The following DYM variants were observed in gnomAD, a reference collection of about 807,000 sequenced individuals.
The protein encoded by DYM is dymeclin.
In DYM, 78 loss-of-function variants were observed where a neutral mutation model predicts 93.1. The ratio of observed to expected loss-of-function variants is 0.84; its 90% CI spans 0.70 to 1.01. The LOEUF is 1.01. DYM is among the 50% of genes least tolerant of loss of function. The pLI, the probability that DYM is intolerant of heterozygous loss-of-function variation, is 0.00. For missense variants in DYM, 789 were observed against 845.0 expected (o/e 0.93, Z 0.82); for synonymous variants, 321 against 319.7 (o/e 1.00, Z -0.04).
At chr18:49,095,591 T>A (rs556547109) in intron 17 of DYM, among the ~76,000 whole-genome samples, 2 of 152,260 alleles carry the variant, frequency 1.3e-5, no homozygotes, top group South Asian at 2.1e-4. Flanking sequence ...TTAAGAAATT[T>A]ACCCATGACC....
In DYM at chr18:49,118,797, C is replaced by A; in HGVS notation, c.1858G>T (p.Glu620Ter). Residue 620 changes from glutamate to a stop codon, truncating the protein, a stop_gained, in exon 16 of 18, where the codon GAA (glutamate) becomes TAA (stop). Coordinates refer to ENST00000675505, the MANE Select transcript of DYM (RefSeq NM_001353214.3). LOFTEE classifies it high-confidence loss of function. ...YALLYKRDLF[E>*]QFRTHPSFQD... ...AATGAAGGATGAGTTCGAAATTGTTCAAAGAGATCGCGTTTGTAAAGCAGG... is the reference window on the plus strand; with the variant it reads ...AATGAAGGATGAGTTCGAAATTGTTAAAAGAGATCGCGTTTGTAAAGCAGG... 6.2e-7 allele frequency: 1 copy of A among 1,614,038 alleles called. No homozygotes were observed. Among genetic ancestry groups the A allele is most frequent in the South Asian group, 1.1e-5 (1 of 91,064 alleles).
chr18:49,323,744 C>A (rs2957172), intron 8 of DYM, among the ~76,000 whole-genome samples: 1 of 152,144 alleles, frequency 6.6e-6, no homozygotes, highest in Non-Finnish European at 1.5e-5. Flanking sequence ...ACCCAGCCTA[C>A]GGTATTTTGT....
At chr18:49,458,926 C>T (rs1223263177) in intron 1 of DYM, among the ~76,000 whole-genome samples, 1 of 152,132 alleles carries the variant, frequency 6.6e-6, no homozygotes, top group Non-Finnish European at 1.5e-5. Context: ...CTATGATTTG[C>T]TTTAAAATAA....
chr18:49,361,574 A>G (rs1362411427), intron 6 of DYM, among the ~76,000 whole-genome samples: 1 of 152,198 alleles, frequency 6.6e-6, no homozygotes, highest in African/African-American at 2.4e-5. Context: ...ATACAATAAT[A>G]ATGGTTTGCG....
At chr18:49,120,600 T>C (rs554450901) in intron 15 of DYM, among the ~76,000 whole-genome samples, 34 of 152,300 alleles carry the variant, frequency 2.2e-4, no homozygotes, top group Admixed American at 1.4e-3. Context: ...AAGGGCCAAC[T>C]GTATGTACTT....
At chr18:49,260,544 A>C (rs940726510) in intron 11 of DYM, among the ~76,000 whole-genome samples, 4 of 152,238 alleles carry the variant, frequency 2.6e-5, no homozygotes, top group Non-Finnish European at 5.9e-5. Flanking sequence ...GAGGAAAAGA[A>C]AAACATTCAA....
chr18:49,368,718 G>C (rs993082285), intron 5 of DYM: 2 of 152,144 alleles, frequency 1.3e-5, no homozygotes, highest in African/African-American at 4.8e-5. Flanking sequence ...GAAAAACAAA[G>C]CTGGTTTCAC....
intron 8 of DYM, among the ~76,000 whole-genome samples, chr18:49,287,660 T>C (rs538269550): frequency 6.6e-6 from 1 of 151,876 alleles, no homozygotes; most frequent in East Asian, 1.9e-4. Flanking sequence ...CTGACCAACA[T>C]GGAGAAACCC....
intron 14 of DYM, among the ~76,000 whole-genome samples, chr18:49,182,276 T>G (rs1403283529): frequency 6.6e-6 from 1 of 152,222 alleles, no homozygotes; most frequent in Admixed American, 6.5e-5. Context: ...GAGCTGTTAT[T>G]GGTTGGAGTG....
At chr18:49,233,321 T>C (rs1288709241) in intron 13 of DYM, among the ~76,000 whole-genome samples, 1 of 148,404 alleles carries the variant, frequency 6.7e-6, no homozygotes, top group African/African-American at 2.5e-5. Flanking sequence ...ATCAAGCTAC[T>C]GCACTCCATC....
chr18:49,278,677 A>C (rs1190681392), intron 10 of DYM, among the ~76,000 whole-genome samples: 3 of 152,164 alleles, frequency 2.0e-5, no homozygotes, highest in African/African-American at 7.2e-5. Flanking sequence ...TGATATGTTG[A>C]GAGCTGCTGG....
At chr18:49,252,593 G>C (rs1430334724) in intron 13 of DYM, among the ~76,000 whole-genome samples, 1 of 152,108 alleles carries the variant, frequency 6.6e-6, no homozygotes, top group East Asian at 1.9e-4. Context: ...CCATTATCAG[G>C]TGATTTTCAG....
intron 13 of DYM, among the ~76,000 whole-genome samples, chr18:49,231,668 T>G (rs1337932112): frequency 6.6e-6 from 1 of 152,212 alleles, no homozygotes; most frequent in African/African-American, 2.4e-5. Context: ...GTTTCCTTTG[T>G]CAAATAAAGT....
chr18:49,453,437 A>T (rs574079554), intron 1 of DYM, among the ~76,000 whole-genome samples: 3 of 152,342 alleles, frequency 2.0e-5, no homozygotes, highest in Non-Finnish European at 2.9e-5. Context: ...TATGAGCTGT[A>T]ACACTCACTG....
intron 15 of DYM, among the ~76,000 whole-genome samples, chr18:49,157,135 C>T (rs937983911): frequency 1.2e-4 from 18 of 152,030 alleles, no homozygotes; most frequent in Non-Finnish European, 2.1e-4. Context: ...TTCAGGTACA[C>T]GCTGTGATGT....
intron 8 of DYM, among the ~76,000 whole-genome samples, chr18:49,317,305 G>T (rs1378567043): frequency 6.6e-6 from 1 of 152,186 alleles, no homozygotes; most frequent in Non-Finnish European, 1.5e-5. Flanking sequence ...GCCTTAAGTG[G>T]TTGATGGATT....
intron 14 of DYM, chr18:49,206,646 T>C (rs1243297100): frequency 6.6e-6 from 1 of 152,428 alleles, no homozygotes; most frequent in Non-Finnish European, 1.5e-5. Flanking sequence ...AGACTGCAAG[T>C]GGTAAGGCAA....
At chr18:49,210,224 T>G (rs113098371) in intron 13 of DYM, among the ~76,000 whole-genome samples, 2 of 152,068 alleles carry the variant, frequency 1.3e-5, no homozygotes, top group African/African-American at 4.8e-5. Flanking sequence ...TCCAAAAGAG[T>G]TGAAAACTTA....
intron 8 of DYM, among the ~76,000 whole-genome samples, chr18:49,299,737 C>T (rs190576671): frequency 1.8e-4 from 27 of 152,148 alleles, no homozygotes; most frequent in Admixed American, 1.6e-3. Context: ...TGATTTTTTA[C>T]ATTTTATATA....
Sources: gnomAD v4.1 joint callset for allele counts (sites outside exome capture counted in the v4.1 genomes callset) on GRCh38, gnomAD v4.1.1 for gene constraint, MANE v1.5 for transcripts, NCBI Gene and HGNC (gene_info 2026-07-23, HGNC 2026-07-21) for gene names.